PLD5: variants seen among roughly 807,000 people sequenced by gnomAD.
PLD5 encodes the protein inactive phospholipase D5.
Under a neutral mutation model 61.1 loss-of-function variants are expected in PLD5, and 36 were observed. That is an observed-to-expected ratio of 0.59 (90% CI 0.45 to 0.78). PLD5 has a LOEUF of 0.78. Among genes scored for constraint, PLD5 ranks in the 30% least tolerant of loss-of-function variants. The pLI is 0.00. For synonymous variants in PLD5, 243 were observed against 242.8 expected, an observed-to-expected ratio of 1.00 and a Z score of -0.01; for missense variants, 515 against 644.4, an observed-to-expected ratio of 0.80 and a Z score of 2.17.
chr1:242,337,898 C>T (rs1659618587), intron 2 of PLD5, among the ~76,000 whole-genome samples: 2 of 152,134 alleles, frequency 1.3e-5, no homozygotes, highest in South Asian at 4.1e-4. Context: ...TATCTGAAAA[C>T]TGCTTTGGAT....
At chr1:242,179,557 C>T (rs957454663) in intron 5 of PLD5, among the ~76,000 whole-genome samples, 1 of 152,118 alleles carries the variant, frequency 6.6e-6, no homozygotes, top group Non-Finnish European at 1.5e-5. Flanking sequence ...GCCTGTGCTG[C>T]CCTGGGCTGT....
chr1:242,438,601 G>A (rs1298059513), intron 1 of PLD5, among the ~76,000 whole-genome samples: 2 of 151,742 alleles, frequency 1.3e-5, no homozygotes, highest in Non-Finnish European at 2.9e-5. Context: ...GCATCACCAC[G>A]CCCAGCTAAT....
intron 1 of PLD5, chr1:242,449,404 T>C (rs1288288070): frequency 5.9e-6 from 9 of 1,535,964 alleles, no homozygotes; most frequent in African/African-American, 1.4e-5. Flanking sequence ...AGCCAGGAGC[T>C]GTCGCTGATG....
intron 3 of PLD5, among the ~76,000 whole-genome samples, chr1:242,280,417 T>C (rs1674654747): frequency 6.6e-6 from 1 of 152,022 alleles, no homozygotes; most frequent in South Asian, 2.1e-4. Flanking sequence ...GTATGTATCC[T>C]AATTATGCTT....
chr1:242,424,392 C>T (rs1490427099), intron 1 of PLD5, among the ~76,000 whole-genome samples: 1 of 152,138 alleles, frequency 6.6e-6, no homozygotes, highest in Non-Finnish European at 1.5e-5. Context: ...TTCAGATGAT[C>T]CAAGTCCTTT....
At chr1:242,441,247 G>A (rs1361977038) in intron 1 of PLD5, among the ~76,000 whole-genome samples, 1 of 152,052 alleles carries the variant, frequency 6.6e-6, no homozygotes. Flanking sequence ...CAAAATGCAG[G>A]ATACTATGAG....
At chr1:242,492,421 T>C (rs377204488) in intron 1 of PLD5, among the ~76,000 whole-genome samples, 15 of 151,012 alleles carry the variant, frequency 9.9e-5, no homozygotes, top group African/African-American at 2.2e-4. Flanking sequence ...ACTCAGGAGA[T>C]TGAGGCAGGA....
intron 5 of PLD5, among the ~76,000 whole-genome samples, chr1:242,158,946 T>A (rs1665612140): frequency 6.6e-6 from 1 of 152,226 alleles, no homozygotes; most frequent in South Asian, 2.1e-4. Flanking sequence ...CTCATATGTT[T>A]TAAATCTCTA....
chr1:242,176,250 G>T (rs969866814), intron 5 of PLD5, among the ~76,000 whole-genome samples: 7 of 152,088 alleles, frequency 4.6e-5, no homozygotes, highest in African/African-American at 1.7e-4. Flanking sequence ...ATAGAACAAT[G>T]GAACAGAACA....
intron 5 of PLD5, among the ~76,000 whole-genome samples, chr1:242,167,069 A>C (rs1016845040): frequency 5.5e-5 from 3 of 54,684 alleles, no homozygotes; most frequent in African/African-American, 1.3e-4. Context: ...GTGAGAGACA[A>C]TAATAATAGT....
At chr1:242,384,183 T>C (rs1040639228) in intron 1 of PLD5, among the ~76,000 whole-genome samples, 1 of 152,234 alleles carries the variant, frequency 6.6e-6, no homozygotes, top group Non-Finnish European at 1.5e-5. Context: ...CAATGACTGA[T>C]TGATAACCAG....
Position 242,100,716 on chromosome 1 carries a change from T to A in PLD5, c.1306A>T (p.Arg436Trp), listed in dbSNP as rs760782533. The A allele has an allele frequency of 6.2e-7, 1 of 1,613,854 alleles. No homozygotes were observed. The highest frequency in any genetic ancestry group is 1.3e-5 in the African/African-American group (1 of 74,862). The change falls in exon 9 of 10, where the codon AGG (arginine) becomes TGG (tryptophan). Residue 436 changes from arginine to tryptophan, a missense_variant. Arg to Trp is a moderately radical substitution (Grantham distance 101, BLOSUM62 -3). Coordinates refer to ENST00000536534, the MANE Select transcript of PLD5 (RefSeq NM_001372062.1). ...TKEQKNHTFP[R>W]LNRNKYMVTD... ...ACCATGTACTTGTTGCGATTTAACC[T>A]AGGAAAGGTGTGATTCTTTTGTTCT...
At chr1:242,169,222 A>G (rs1666559923) in intron 5 of PLD5, among the ~76,000 whole-genome samples, 1 of 152,136 alleles carries the variant, frequency 6.6e-6, no homozygotes, top group Admixed American at 6.5e-5. Context: ...TGATTTCTGC[A>G]TTTCCAACTG....
At chr1:242,101,268 G>T (rs1350124549) in intron 8 of PLD5, among the ~76,000 whole-genome samples, 1 of 151,550 alleles carries the variant, frequency 6.6e-6, no homozygotes, top group Admixed American at 6.6e-5. Flanking sequence ...ATACTTTTCT[G>T]TCTGAACACC....
upstream of PLD5, among the ~76,000 whole-genome samples, chr1:242,529,558 C>G (rs1331383436): frequency 6.6e-6 from 1 of 152,132 alleles, no homozygotes; most frequent in African/African-American, 2.4e-5. Context: ...CTCAGGGTGG[C>G]TCAACTCTAA....
intron 9 of PLD5, among the ~76,000 whole-genome samples, chr1:242,094,970 G>T (rs1057433281): frequency 6.7e-6 from 1 of 149,674 alleles, no homozygotes; most frequent in African/African-American, 2.5e-5. Context: ...ACAGAGTCTC[G>T]CTCTGTTGCC....
intron 5 of PLD5, among the ~76,000 whole-genome samples, chr1:242,157,313 C>T (rs763217552): frequency 4.6e-5 from 7 of 152,164 alleles, no homozygotes; most frequent in African/African-American, 7.2e-5. Flanking sequence ...TCCTTTAGCT[C>T]GGAGAAGTTT....
chr1:242,248,236 C>G (rs557334541), intron 4 of PLD5, among the ~76,000 whole-genome samples: 1 of 152,322 alleles, frequency 6.6e-6, no homozygotes, highest in African/African-American at 2.4e-5. Flanking sequence ...AACGAGACAG[C>G]AATCATGTTG....
At chr1:242,517,471 A>G (rs1484470695) in intron 1 of PLD5, among the ~76,000 whole-genome samples, 2 of 152,216 alleles carry the variant, frequency 1.3e-5, no homozygotes, top group African/African-American at 4.8e-5. Context: ...TCCTATTAAT[A>G]TGATAAAATA....
Sources: allele counts gnomAD v4.1 joint callset (sites outside exome capture counted in the v4.1 genomes callset), GRCh38; gene constraint gnomAD v4.1.1; transcripts MANE v1.5; gene names NCBI Gene and HGNC (gene_info 2026-07-23, HGNC 2026-07-21).